EIF3H: variants seen among roughly 807,000 people sequenced by gnomAD.
EIF3H encodes the protein eIF-3-gamma.
A neutral mutation model predicts 44.2 loss-of-function variants in EIF3H; 26 were observed. The ratio of observed to expected loss-of-function variants is 0.59; its 90% CI spans 0.43 to 0.82. EIF3H has a LOEUF of 0.82. EIF3H is among the 40% of genes least tolerant of loss of function. The probability of loss-of-function intolerance (pLI) is 0.00; values close to 1 mark genes in which losing one functional copy is unlikely to be tolerated. For synonymous variants in EIF3H, 166 were observed against 151.9 expected, an observed-to-expected ratio of 1.09 and a Z score of -0.68; for missense variants, 359 against 432.8, an observed-to-expected ratio of 0.83 and a Z score of 1.51.
At chr8:116,681,670 A>C (rs1285287161) in intron 2 of EIF3H, among the ~76,000 whole-genome samples, 1 of 151,742 alleles carries the variant, frequency 6.6e-6, no homozygotes, top group Non-Finnish European at 1.5e-5. Context: ...CCATCTCAAA[A>C]AAAAAAAAAA....
At chr8:116,748,277 A>G (rs1815272442) in intron 1 of EIF3H, among the ~76,000 whole-genome samples, 1 of 152,234 alleles carries the variant, frequency 6.6e-6, no homozygotes, top group Non-Finnish European at 1.5e-5. Flanking sequence ...TTTATCCCCA[A>G]AGCTGTTGTG....
chr8:116,742,361 G>GCAAT (rs1398585666), intron 1 of EIF3H, among the ~76,000 whole-genome samples: 1 of 152,124 alleles, frequency 6.6e-6, no homozygotes, highest in Non-Finnish European at 1.5e-5. Flanking sequence ...GTATAATGAT[G>GCAAT]CAATCAAATG....
Position 116,693,352 on chromosome 8 carries a change from T to C in EIF3H, c.289+32664A>G, listed in dbSNP as rs529208495. 6.6e-5 allele frequency among the ~76,000 whole-genome samples: 10 copies of C among 152,334 alleles called. No homozygotes were observed. In the South Asian group the frequency reaches 2.1e-3, roughly 32 times the overall value. On this transcript the variant is annotated intron_variant, in intron 2 of 7. Transcript: ENST00000521861. ...TCCTTAAGAGTGAGGAGTGCTACTC[T>C]TCAGGGCCATTTTTTTTTCCAGAAA...
chr8:116,763,680 T>C (rs1212262424), intron 1 of EIF3H, among the ~76,000 whole-genome samples: 1 of 152,198 alleles, frequency 6.6e-6, no homozygotes, highest in Non-Finnish European at 1.5e-5. Context: ...TTAGGCAGTA[T>C]GTTAGATAAT....
chr8:116,667,533 C>G (rs1355447078), intron 2 of EIF3H, among the ~76,000 whole-genome samples: 2 of 151,136 alleles, frequency 1.3e-5, no homozygotes, highest in Non-Finnish European at 2.9e-5. Flanking sequence ...CAGAAACAAT[C>G]TGTAATCAAA....
chr8:116,664,249 C>T (rs2130804123), intron 2 of EIF3H, among the ~76,000 whole-genome samples: 1 of 152,328 alleles, frequency 6.6e-6, no homozygotes, highest in South Asian at 2.1e-4. Flanking sequence ...TCTGTCTTCA[C>T]TGAGGTGGAC....
chr8:116,749,067 T>C (rs1165505665), intron 1 of EIF3H, among the ~76,000 whole-genome samples: 1 of 152,106 alleles, frequency 6.6e-6, no homozygotes, highest in African/African-American at 2.4e-5. Flanking sequence ...TCTACCTTAC[T>C]TACAAAACCA....
At chr8:116,712,160 A>G (rs1225009153) in intron 2 of EIF3H, among the ~76,000 whole-genome samples, 1 of 152,212 alleles carries the variant, frequency 6.6e-6, no homozygotes, top group Non-Finnish European at 1.5e-5. Context: ...ACAGCATGCC[A>G]CAAGTCTAGG....
chr8:116,714,873 A>G (rs1814636612), intron 2 of EIF3H, among the ~76,000 whole-genome samples: 3 of 151,992 alleles, frequency 2.0e-5, no homozygotes, highest in African/African-American at 4.8e-5. Flanking sequence ...CTCTGTCCAA[A>G]TTCAACTCTT....
intron 1 of EIF3H, among the ~76,000 whole-genome samples, chr8:116,764,648 C>T (rs1490814714): frequency 6.6e-6 from 1 of 152,146 alleles, no homozygotes; most frequent in Admixed American, 6.5e-5. Context: ...TTGAGAAACA[C>T]TGCTGTAATA....
upstream of EIF3H, among the ~76,000 whole-genome samples, chr8:116,758,276 A>G (rs1815481281): frequency 6.6e-6 from 1 of 152,252 alleles, no homozygotes; most frequent in Non-Finnish European, 1.5e-5. Context: ...AGGAGACATC[A>G]AATAATGATA....
intron 2 of EIF3H, among the ~76,000 whole-genome samples, chr8:116,696,409 A>G (rs1814268952): frequency 6.6e-6 from 1 of 152,258 alleles, no homozygotes; most frequent in African/African-American, 2.4e-5. Flanking sequence ...ATTGAAAATT[A>G]TATAGATACA....
chr8:116,725,778 C>T (rs1474127370), intron 2 of EIF3H, among the ~76,000 whole-genome samples: 2 of 152,088 alleles, frequency 1.3e-5, no homozygotes, highest in African/African-American at 4.8e-5. Flanking sequence ...AGTTCCTATC[C>T]AATCTATGAC....
chr8:116,671,121 T>G (rs1044555713), intron 2 of EIF3H, among the ~76,000 whole-genome samples: 4 of 152,242 alleles, frequency 2.6e-5, no homozygotes, highest in Non-Finnish European at 5.9e-5. Flanking sequence ...AGAAATAAAC[T>G]GTACGACTAT....
intron 2 of EIF3H, among the ~76,000 whole-genome samples, chr8:116,723,012 G>A (rs1330538208): frequency 6.6e-6 from 1 of 152,144 alleles, no homozygotes; most frequent in African/African-American, 2.4e-5. Flanking sequence ...AGCTTCCAAT[G>A]ATCTAGAATT....
chr8:116,661,129 A>G (rs963452666), intron 2 of EIF3H, among the ~76,000 whole-genome samples: 1 of 152,226 alleles, frequency 6.6e-6, no homozygotes, highest in South Asian at 2.1e-4. Context: ...TCGAAATTCC[A>G]TAATTCTTTT....
chr8:116,679,020 G>A (rs1304481049), intron 2 of EIF3H, among the ~76,000 whole-genome samples: 428 of 65,908 alleles, frequency 6.5e-3, no homozygotes, highest in African/African-American at 0.018. Context: ...CCGGCCAGCC[G>A]CCCAGTCCGG....
intron 4 of EIF3H, 93 bp from the exon 5 acceptor site, chr8:116,656,098 C>G (rs553537490): frequency 8.5e-6 from 10 of 1,178,886 alleles, no homozygotes; most frequent in Non-Finnish European, 1.2e-5. Context: ...CAGGCCCTAT[C>G]CAAGATCTTT....
chr8:116,683,535 T>C (rs991508005), intron 2 of EIF3H, among the ~76,000 whole-genome samples: 1 of 152,234 alleles, frequency 6.6e-6, no homozygotes, highest in African/African-American at 2.4e-5. Flanking sequence ...GGTTAGAAAT[T>C]TGACGTAAGA....
Sources: gnomAD v4.1 joint callset for allele counts (sites outside exome capture counted in the v4.1 genomes callset) on GRCh38, gnomAD v4.1.1 for gene constraint, MANE v1.5 for transcripts, NCBI Gene and HGNC (gene_info 2026-07-23, HGNC 2026-07-21) for gene names.